Variants in BTRC observed in about 807,000 individuals in gnomAD.
The protein encoded by BTRC is F-box/WD repeat-containing protein 1A.
In BTRC, 42 loss-of-function variants were observed where a neutral mutation model predicts 85.5. The observed-to-expected ratio is 0.49, with a 90% CI of 0.38 to 0.64. The LOEUF (loss-of-function observed/expected upper bound fraction) is 0.64. Ranked by LOEUF, BTRC falls within the 30% of genes least tolerant of loss-of-function variation. The pLI is 0.00. For missense variants in BTRC, 594 were observed against 743.5 expected, an observed-to-expected ratio of 0.80 and a Z score of 2.34; for synonymous variants, 255 against 263.3, an observed-to-expected ratio of 0.97 and a Z score of 0.30.
intron 1 of BTRC, among the ~76,000 whole-genome samples, chr10:101,416,470 T>C (rs745606399): frequency 2.0e-5 from 3 of 152,232 alleles, no homozygotes; most frequent in Non-Finnish European, 4.4e-5. Flanking sequence ...TTTGGTTCAG[T>C]TGAGGCATCT....
rs58902120 is a variant in BTRC, at chr10:101,406,524, C to CTTTTTT, written c.49-23798_49-23793dup. Among the ~76,000 whole-genome samples, 47 of 50,430 alleles carry CTTTTTT rather than the reference C, an allele frequency of 9.3e-4. 5 individuals carry two copies. Among genetic ancestry groups the CTTTTTT allele is most frequent in the East Asian group, 2.6e-3 (4 of 1,518 alleles). 33.1% of individuals were successfully genotyped at this position (50,430 alleles called of 152,430 possible). A position where few individuals can be genotyped will look rare whatever the true frequency, so the allele number is the denominator to read the frequency against. On this transcript the variant is annotated intron_variant, in intron 1 of 14. Coordinates refer to ENST00000370187, the MANE Select transcript of BTRC (RefSeq NM_033637.4). ...ATGTTAACATAGCCATCTCAGGTTT[C>CTTTTTT]TTTTTTTTTTTTTTTTTTTTTTTTT...
chr10:101,375,187 G>A (rs1035277004), intron 1 of BTRC, among the ~76,000 whole-genome samples: 8 of 152,250 alleles, frequency 5.3e-5, no homozygotes, highest in African/African-American at 1.7e-4. Flanking sequence ...TCATGGGGGC[G>A]GATTTCCGCC....
intron 1 of BTRC, chr10:101,354,494 G>T: frequency 2.0e-6 from 1 of 492,622 alleles, no homozygotes; most frequent in Non-Finnish European, 3.6e-6. Context: ...GCTCCAGGCG[G>T]CGCGCGGGGC....
intron 13 of BTRC, among the ~76,000 whole-genome samples, chr10:101,546,937 T>G (rs1472760406): frequency 6.6e-6 from 1 of 152,216 alleles, no homozygotes; most frequent in Non-Finnish European, 1.5e-5. Flanking sequence ...TACCAAACAT[T>G]TGAAGAAGTT....
intron 1 of BTRC, among the ~76,000 whole-genome samples, chr10:101,411,023 T>C (rs1180521682): frequency 1.4e-5 from 2 of 146,392 alleles, no homozygotes; most frequent in Non-Finnish European, 3.0e-5. Flanking sequence ...TTTGAGACAG[T>C]GTCACTCTGT....
intron 13 of BTRC, among the ~76,000 whole-genome samples, chr10:101,548,401 A>G (rs1472133363): frequency 1.3e-5 from 2 of 152,240 alleles, no homozygotes; most frequent in East Asian, 1.9e-4. Context: ...ATAAAAAAGA[A>G]TGAACTACTG....
chr10:101,367,588 A>C (rs981087363), intron 1 of BTRC, among the ~76,000 whole-genome samples: 3 of 152,148 alleles, frequency 2.0e-5, no homozygotes, highest in African/African-American at 2.4e-5. Context: ...AGTTGCCTTC[A>C]TGCTCCCTTT....
intron 1 of BTRC, among the ~76,000 whole-genome samples, chr10:101,358,383 G>A (rs934711981): frequency 2.0e-5 from 3 of 152,096 alleles, no homozygotes; most frequent in Non-Finnish European, 4.4e-5. Flanking sequence ...GATTACAGGC[G>A]TGAGCCACCT....
intron 1 of BTRC, among the ~76,000 whole-genome samples, chr10:101,414,284 GATT>G (rs1943864778): frequency 6.6e-6 from 1 of 152,074 alleles, no homozygotes; most frequent in Non-Finnish European, 1.5e-5. Context: ...GGTCCCTTGA[GATT>G]ATAATGGAGC....
chr10:101,382,019 G>T (rs1942946533), intron 1 of BTRC, among the ~76,000 whole-genome samples: 1 of 105,406 alleles, frequency 9.5e-6, no homozygotes, highest in African/African-American at 4.3e-5. Context: ...GTCTTGCTCT[G>T]TTGCCTAGGC....
At chr10:101,482,585 C>T (rs1326267106) in intron 4 of BTRC, among the ~76,000 whole-genome samples, 2 of 151,458 alleles carry the variant, frequency 1.3e-5, no homozygotes, top group Non-Finnish European at 2.9e-5. Context: ...TTAGTAGAGA[C>T]GGGGTTTCAC....
At chr10:101,532,927 A>G in intron 8 of BTRC, 25 bp from the exon 9 acceptor site, 1 of 1,557,408 alleles carries the variant, frequency 6.4e-7, no homozygotes, top group Non-Finnish European at 8.9e-7. Flanking sequence ...CACATTGATC[A>G]AAAGGATCTT....
Position 101,532,190 on chromosome 10 carries a change from A to G in BTRC, c.841-105A>G, listed in dbSNP as rs553497456. 43 of 1,217,506 alleles carry G rather than the reference A, an allele frequency of 3.5e-5. 1 individual carries two copies. The South Asian group carries it at 8.2e-4, about 23-fold the overall frequency. The allele number at this position is 1,217,506 out of a possible 1,614,324, so 75.4% of individuals were successfully genotyped here. On this transcript the variant is annotated intron_variant, in intron 7 of 14. Transcript: ENST00000370187. The stretch of plus-strand genomic sequence containing the variant: ...TTTTAGTTTTCCCTAAGTTGTGTAT[A>G]TCCCATAGAGTAAAGCATTGAGCCA...
chr10:101,491,156 C>T (rs1047180264), intron 4 of BTRC, among the ~76,000 whole-genome samples: 1 of 151,976 alleles, frequency 6.6e-6, no homozygotes, highest in African/African-American at 2.4e-5. Flanking sequence ...ACAGATCTTT[C>T]AAGGATCTAA....
intron 12 of BTRC, among the ~76,000 whole-genome samples, chr10:101,537,494 C>G (rs1362733185): frequency 6.6e-6 from 1 of 152,192 alleles, no homozygotes; most frequent in Non-Finnish European, 1.5e-5. Context: ...CGCCACCACA[C>G]TCCAGCCTGG....
At chr10:101,461,189 A>T (rs889342667) in intron 2 of BTRC, among the ~76,000 whole-genome samples, 1 of 152,160 alleles carries the variant, frequency 6.6e-6, no homozygotes, top group African/African-American at 2.4e-5. Context: ...AGTGTGAGCC[A>T]CCGCACCTAG....
intron 4 of BTRC, among the ~76,000 whole-genome samples, chr10:101,511,871 G>A (rs1046720260): frequency 2.0e-5 from 3 of 152,058 alleles, no homozygotes; most frequent in Admixed American, 6.6e-5. Flanking sequence ...GGCTGGTCTC[G>A]AACTCCTAAC....
At chr10:101,445,077 T>C (rs1031423156) in intron 2 of BTRC, among the ~76,000 whole-genome samples, 3 of 152,220 alleles carry the variant, frequency 2.0e-5, no homozygotes, top group East Asian at 3.8e-4. Context: ...TATCGACATT[T>C]CATTTGAAGA....
At chr10:101,541,046 ATACTTT>A (rs914858737) in intron 13 of BTRC, among the ~76,000 whole-genome samples, 9 of 151,352 alleles carry the variant, frequency 5.9e-5, no homozygotes, top group Admixed American at 2.6e-4. Flanking sequence ...ACATAGAAAT[ATACTTT>A]TACTTATTTC....
Sources: gnomAD v4.1 joint callset for allele counts (sites outside exome capture counted in the v4.1 genomes callset) on GRCh38, gnomAD v4.1.1 for gene constraint, MANE v1.5 for transcripts, NCBI Gene and HGNC (gene_info 2026-07-23, HGNC 2026-07-21) for gene names.